DPM1: variants seen among roughly 807,000 people sequenced by gnomAD.
The protein encoded by DPM1 is dolichyl-phosphate mannosyltransferase subunit 1, catalytic, also known as dolichol-phosphate mannosyltransferase subunit 1.
A neutral mutation model predicts 39.0 loss-of-function variants in DPM1; 27 were observed. The observed-to-expected ratio is 0.69, with a 90% CI of 0.51 to 0.95. The LOEUF is 0.95. Among genes scored for constraint, DPM1 ranks in the 40% least tolerant of loss-of-function variants. The pLI, the probability that DPM1 is intolerant of heterozygous loss-of-function variation, is 0.00. For synonymous variants in DPM1, 124 were observed against 109.0 expected (o/e 1.14, Z -0.86); for missense variants, 307 against 315.6 (o/e 0.97, Z 0.21).
intron 6 of DPM1, among the ~76,000 whole-genome samples, chr20:50,941,764 A>C (rs1985847861): frequency 1.3e-5 from 2 of 152,186 alleles, no homozygotes; most frequent in South Asian, 4.1e-4. Flanking sequence ...AGGTCACATA[A>C]ATTAAAACTG....
chr20:50,938,969 G>A (rs111677888), intron 7 of DPM1, among the ~76,000 whole-genome samples: 5,085 of 151,898 alleles, frequency 0.033, 165 homozygotes, highest in African/African-American at 0.077. Context: ...CAACAAGAGC[G>A]AAACCCTGTC....
chr20:50,945,153 A>C (rs111464991), intron 5 of DPM1: 32 of 154,028 alleles, frequency 2.1e-4, no homozygotes, highest in African/African-American at 6.5e-4. Flanking sequence ...TAATAACTCA[A>C]GGCTTAATTC....
intron 3 of DPM1, among the ~76,000 whole-genome samples, chr20:50,947,212 C>G (rs754732806): frequency 1.2e-4 from 18 of 150,704 alleles, no homozygotes; most frequent in Non-Finnish European, 2.2e-4. Flanking sequence ...CCGTCTCAAA[C>G]AAACAAAAAT....
At chr20:50,952,071 T>C (rs1272713091) in intron 2 of DPM1, among the ~76,000 whole-genome samples, 1 of 152,152 alleles carries the variant, frequency 6.6e-6, no homozygotes, top group African/African-American at 2.4e-5. Flanking sequence ...TGCCTGGGTT[T>C]GAATCCTGGC....
At chr20:50,939,514 A>G (rs1321732622) in intron 7 of DPM1, among the ~76,000 whole-genome samples, 1 of 151,114 alleles carries the variant, frequency 6.6e-6, no homozygotes, top group Non-Finnish European at 1.5e-5. Context: ...TGTATTTTTT[A>G]GTAGAGACAG....
At chr20:50,941,233 T>C (rs1401655214) in intron 6 of DPM1, 3 of 140,738 alleles carry the variant, frequency 2.1e-5, no homozygotes, top group African/African-American at 1.1e-4. Context: ...AGTGAATATA[T>C]ATATATATAT....
chr20:50,949,530 C>T (rs1986469443), intron 2 of DPM1, among the ~76,000 whole-genome samples: 1 of 152,110 alleles, frequency 6.6e-6, no homozygotes, highest in African/African-American at 2.4e-5. Context: ...AATCTTTTTG[C>T]TTAATAGTTG....
chr20:50,943,354 TTTTTG>T (rs1035792195), intron 5 of DPM1, among the ~76,000 whole-genome samples: 44 of 151,902 alleles, frequency 2.9e-4, no homozygotes, highest in African/African-American at 5.3e-4. Context: ...CAATAAACTT[TTTTTG>T]TTTTGTTTTG....
chr20:50,945,461 C>T (rs1352824152), intron 5 of DPM1, among the ~76,000 whole-genome samples: 2 of 152,096 alleles, frequency 1.3e-5, no homozygotes, highest in Non-Finnish European at 2.9e-5. Context: ...CCACCTGAGC[C>T]GCCTGAGTAG....
intron 6 of DPM1, 136 bp from the exon 7 acceptor site, chr20:50,941,069 G>C (rs764740587): frequency 2.0e-6 from 2 of 992,024 alleles, no homozygotes; most frequent in East Asian, 2.6e-5. Context: ...TATTTATCTA[G>C]AACAAAATAG....
At chr20:50,958,099 C>T (rs1037318924) in intron 1 of DPM1, among the ~76,000 whole-genome samples, 16 of 152,204 alleles carry the variant, frequency 1.1e-4, no homozygotes, top group Admixed American at 4.6e-4. Context: ...AACCTTTCTA[C>T]GGAAAGGCGG....
At chr20:50,935,860 CAA>C (rs542777396) in intron 8 of DPM1, among the ~76,000 whole-genome samples, 115 of 152,178 alleles carry the variant, frequency 7.6e-4, no homozygotes, top group Non-Finnish European at 1.5e-3. Flanking sequence ...GGAAAAGAAG[CAA>C]AGAGACTCAG....
chr20:50,953,419 A>C (rs1309400569), intron 2 of DPM1, among the ~76,000 whole-genome samples: 1 of 152,218 alleles, frequency 6.6e-6, no homozygotes, highest in East Asian at 1.9e-4. Flanking sequence ...AGGTATTCTA[A>C]CATGGTTTCA....
chr20:50,936,759 AT>A (rs1985194339), intron 7 of DPM1, among the ~76,000 whole-genome samples: 1 of 152,228 alleles, frequency 6.6e-6, no homozygotes, highest in Non-Finnish European at 1.5e-5. Context: ...TCCTTTATAA[AT>A]TCCCCAGGAT....
At chr20:50,936,078 T>C in intron 8 of DPM1, 70 bp downstream of exon 8, 1 of 1,140,982 alleles carries the variant, frequency 8.8e-7, no homozygotes, top group Non-Finnish European at 1.3e-6. Flanking sequence ...AAACTTTTTA[T>C]TATAAAAATT....
intron 5 of DPM1, among the ~76,000 whole-genome samples, chr20:50,942,681 A>C (rs1985943777): frequency 6.6e-6 from 1 of 152,094 alleles, no homozygotes; most frequent in African/African-American, 2.4e-5. Flanking sequence ...AAATTAAAAT[A>C]ATTAATTTTC....
In DPM1 at chr20:50,945,777, G is replaced by C. The variant is rs758227576; in HGVS notation, c.373-15C>G. The C allele has an allele frequency of 6.2e-7, 1 of 1,606,348 alleles. No individual in the cohort carries two copies. Among genetic ancestry groups the C allele is most frequent in the Admixed American group, 1.7e-5 (1 of 59,996 alleles). ...ATAAATTTTGGCTGAAATTTGAAAA[G>C]AATAAACAGTAAGTCAGTAAAACAG... On this transcript the variant is annotated splice_polypyrimidine_tract_variant and intron_variant, in intron 4 of 8. Coordinates refer to ENST00000371588, the MANE Select transcript of DPM1 (RefSeq NM_003859.3).
chr20:50,940,756 T>C, intron 7 of DPM1, 109 bp downstream of exon 7: 1 of 922,078 alleles, frequency 1.1e-6, no homozygotes, highest in Admixed American at 2.0e-5. Context: ...GCCTTTTTAG[T>C]ATCCCAGAAT....
At chr20:50,937,975 A>G (rs1397572919) in intron 7 of DPM1, among the ~76,000 whole-genome samples, 1 of 152,118 alleles carries the variant, frequency 6.6e-6, no homozygotes, top group African/African-American at 2.4e-5. Context: ...CACCACATCC[A>G]GCCAGCATTA....
Sources: allele counts gnomAD v4.1 joint callset (sites outside exome capture counted in the v4.1 genomes callset), GRCh38; gene constraint gnomAD v4.1.1; transcripts MANE v1.5; gene names NCBI Gene and HGNC (gene_info 2026-07-23, HGNC 2026-07-21).